The following DEPDC5 variants were observed in gnomAD, a reference collection of about 807,000 sequenced individuals.
DEPDC5 encodes DEP domain containing 5, GATOR1 subcomplex subunit.
A neutral mutation model predicts 217.3 loss-of-function variants in DEPDC5; 73 were observed. The observed-to-expected ratio is 0.34, with a 90% confidence interval of 0.28 to 0.41. DEPDC5 has a LOEUF of 0.41. Ranked by LOEUF, DEPDC5 falls within the 10% of genes least tolerant of loss-of-function variation. The probability of loss-of-function intolerance (pLI) is 1.00; values close to 1 mark genes in which losing one functional copy is unlikely to be tolerated. For synonymous variants in DEPDC5, 733 were observed against 756.7 expected (o/e 0.97, Z 0.51); for missense variants, 1,675 against 2,070.1 (o/e 0.81, Z 3.70).
chr22:31,842,575 C>CAAAA (rs56671305), intron 27 of DEPDC5, among the ~76,000 whole-genome samples: 4 of 73,492 alleles, frequency 5.4e-5, no homozygotes, highest in Non-Finnish European at 8.5e-5. Flanking sequence ...AACTCCATCT[C>CAAAA]AAAAAAAAAA....
chr22:31,807,401 G>A (rs2087677733), intron 18 of DEPDC5, among the ~76,000 whole-genome samples: 1 of 152,182 alleles, frequency 6.6e-6, no homozygotes, highest in African/African-American at 2.4e-5. Context: ...AAAAATGCAA[G>A]TTTTAAGAAT....
intron 2 of DEPDC5, chr22:31,755,195 C>T (rs183940598): frequency 9.5e-5 from 48 of 502,876 alleles, no homozygotes; most frequent in Middle Eastern, 6.4e-4. Flanking sequence ...TGAATGCTGC[C>T]GGTTTACTAC....
chr22:31,847,682 G>A, intron 31 of DEPDC5, among the ~76,000 whole-genome samples: 1 of 152,152 alleles, frequency 6.6e-6, no homozygotes, highest in East Asian at 1.9e-4. Context: ...ACCATCCCAT[G>A]ACACGTGGGG....
intron 30 of DEPDC5, among the ~76,000 whole-genome samples, chr22:31,845,560 C>T (rs937017740): frequency 6.6e-6 from 1 of 152,142 alleles, no homozygotes; most frequent in Non-Finnish European, 1.5e-5. Context: ...TGAGTAGAAA[C>T]TCTCAGGAGG....
intron 20 of DEPDC5, 80 bp downstream of exon 20, chr22:31,810,721 G>A (rs1363202006): frequency 1.9e-6 from 3 of 1,554,974 alleles, no homozygotes; most frequent in African/African-American, 1.4e-5. Flanking sequence ...CTCTAAGAGA[G>A]CAACCTTGAA....
At chr22:31,870,507 T>C in intron 33 of DEPDC5, 83 bp from the exon 34 acceptor site, 1 of 1,352,598 alleles carries the variant, frequency 7.4e-7, no homozygotes, top group Non-Finnish European at 9.7e-7. Flanking sequence ...GCTTACTGAG[T>C]GAATAAGCCA....
At chr22:31,756,591 ATGC>A (rs2081960421) in intron 2 of DEPDC5, among the ~76,000 whole-genome samples, 1 of 152,208 alleles carries the variant, frequency 6.6e-6, no homozygotes, top group Non-Finnish European at 1.5e-5. Flanking sequence ...AGGTAGTTAG[ATGC>A]TGTATCCAGT....
rs752511957 is a variant in DEPDC5, at chr22:31,907,091, T to G, written c.*594T>G. 5.1e-5 allele frequency: 8 copies of G among 155,936 alleles called. No homozygotes were observed. Among genetic ancestry groups the G allele is most frequent in the Non-Finnish European group, 9.9e-5 (7 of 70,438 alleles). The allele number at this position is 155,936 out of a possible 1,614,324, so 9.7% of individuals were successfully genotyped here. On this transcript the variant is annotated 3_prime_UTR_variant, in exon 43 of 43. Coordinates refer to ENST00000651528, the MANE Select transcript of DEPDC5 (RefSeq NM_001242896.3). ...CAGTTGTGCCAGGTGGCCGGGGTCA[T>G]GGCAGTCAATGAAGTGGTCACAGAT...
At chr22:31,849,745 C>T (rs1352945830) in intron 31 of DEPDC5, among the ~76,000 whole-genome samples, 1 of 150,860 alleles carries the variant, frequency 6.6e-6, no homozygotes, top group African/African-American at 2.4e-5. Flanking sequence ...TGCACCACTG[C>T]ACTCCAGCCT....
At chr22:31,892,594 G>A (rs1400559774) in intron 38 of DEPDC5, among the ~76,000 whole-genome samples, 1 of 152,228 alleles carries the variant, frequency 6.6e-6, no homozygotes. Flanking sequence ...TGAGGCAAGA[G>A]AATCACTTGA....
chr22:31,818,333 G>A (rs1031152805), intron 21 of DEPDC5, among the ~76,000 whole-genome samples: 1 of 152,108 alleles, frequency 6.6e-6, no homozygotes, highest in Non-Finnish European at 1.5e-5. Context: ...CACTAAGTCA[G>A]TGGAGGGGCT....
At chr22:31,792,312 A>G (rs2148507999) in intron 11 of DEPDC5, among the ~76,000 whole-genome samples, 1 of 152,186 alleles carries the variant, frequency 6.6e-6, no homozygotes, top group Middle Eastern at 3.4e-3. Context: ...CCAACTTAAT[A>G]GATAGACAGT....
Position 31,895,183 on chromosome 22 carries a change from A to AG in DEPDC5, c.4203+1435dup, listed in dbSNP as rs1248241928. ...AAAAAAGGAAAGAAAGAAAGGGGTG[A>AG]GGGCAGGGTGGGTGCTACTGGTGTC... On this transcript the variant is annotated intron_variant, in intron 39 of 42. Transcript: ENST00000651528. 5.3e-5 allele frequency among the ~76,000 whole-genome samples: 8 copies of AG among 150,518 alleles called. No homozygotes were observed. The East Asian group carries it at 1.6e-3, about 29-fold the overall frequency.
chr22:31,792,620 A>G, intron 11 of DEPDC5, 125 bp from the exon 12 acceptor site: 1 of 584,474 alleles, frequency 1.7e-6, no homozygotes, highest in South Asian at 2.4e-5. Context: ...AAAAAAAAAA[A>G]AAAAAAAAAA....
At chr22:31,814,874 A>G in intron 20 of DEPDC5, 118 bp from the exon 21 acceptor site, 1 of 1,055,686 alleles carries the variant, frequency 9.5e-7, no homozygotes, top group Admixed American at 2.0e-5. Context: ...TGTAGATCAC[A>G]CTGGGGATTT....
At chr22:31,877,165 G>A (rs1286119085) in intron 37 of DEPDC5, among the ~76,000 whole-genome samples, 1 of 151,782 alleles carries the variant, frequency 6.6e-6, no homozygotes, top group African/African-American at 2.4e-5. Context: ...GCTGGGCACT[G>A]CGGCTCACGC....
chr22:31,810,768 T>G, intron 20 of DEPDC5, 127 bp downstream of exon 20: 5 of 1,442,078 alleles, frequency 3.5e-6, no homozygotes, highest in Non-Finnish European at 4.6e-6. Context: ...GTTTTGGTTT[T>G]TTGTTTGTTT....
intron 19 of DEPDC5, among the ~76,000 whole-genome samples, chr22:31,810,028 G>A (rs2088078101): frequency 6.6e-6 from 1 of 152,058 alleles, no homozygotes; most frequent in Admixed American, 6.6e-5. Context: ...ACTATGTGAA[G>A]TGCCATAAAA....
Position 31,778,078 on chromosome 22 carries a change from CTT to C in DEPDC5, c.414-20_414-19del, listed in dbSNP as rs772745318. On this transcript the variant is annotated intron_variant, in intron 7 of 42. Coordinates refer to ENST00000651528, the MANE Select transcript of DEPDC5 (RefSeq NM_001242896.3). The stretch of plus-strand genomic sequence containing the variant: ...TGGTTTCATGTAAGACTTGTAATAA[CTT>C]GTGTGTGTATTCTTTCAGAGCACAG... 6.2e-7 allele frequency: 1 copy of C among 1,613,550 alleles called. No individual in the cohort carries two copies. The highest frequency in any genetic ancestry group is 8.5e-7 in the Non-Finnish European group (1 of 1,179,506).
Sources: gnomAD v4.1 joint callset for allele counts (sites outside exome capture counted in the v4.1 genomes callset) on GRCh38, gnomAD v4.1.1 for gene constraint, MANE v1.5 for transcripts, NCBI Gene and HGNC (gene_info 2026-07-23, HGNC 2026-07-21) for gene names.